The following DCAF1 variants were observed in gnomAD, a reference collection of about 807,000 sequenced individuals.
The protein encoded by DCAF1 is DDB1 and CUL4 associated factor 1, also known as DDB1- and CUL4-associated factor 1.
Under a neutral mutation model 128.0 loss-of-function variants are expected in DCAF1, and 15 were observed. That is an observed-to-expected ratio of 0.12 (90% confidence interval 0.08 to 0.18). DCAF1 has a LOEUF of 0.18. Among genes scored for constraint, DCAF1 ranks in the 10% least tolerant of loss-of-function variants. The pLI, the probability that DCAF1 is intolerant of heterozygous loss-of-function variation, is 1.00. For synonymous variants in DCAF1, 610 were observed against 603.0 expected, an observed-to-expected ratio of 1.01 and a Z score of -0.17; for missense variants, 988 against 1,649.5, an observed-to-expected ratio of 0.60 and a Z score of 6.95.
At chr3:51,487,645 A>G (rs1338859089) in intron 2 of DCAF1, among the ~76,000 whole-genome samples, 2 of 151,950 alleles carry the variant, frequency 1.3e-5, no homozygotes, top group African/African-American at 4.8e-5. Flanking sequence ...CAACAATTTA[A>G]CCAATTCTTT....
chr3:51,399,122 C>T (rs782343920), intron 24 of DCAF1, among the ~76,000 whole-genome samples: 1 of 152,232 alleles, frequency 6.6e-6, no homozygotes, highest in Non-Finnish European at 1.5e-5. Flanking sequence ...GAAGCTTCCC[C>T]CCATGCCACT....
At position 51,397,928 on chromosome 3, in the gene DCAF1, C is replaced by A. The variant is rs1270292491; in HGVS notation, c.*841G>T. ...GAAAAAGGCCTTTGATTTGTAATTT[C>A]CACAATGGGGAGAAAGGGAAGAAAA... On this transcript the variant is annotated 3_prime_UTR_variant, in exon 25 of 25. Coordinates refer to ENST00000684031, the MANE Select transcript of DCAF1 (RefSeq NM_001387579.1). 6.0e-6 allele frequency: 1 copy of A among 166,406 alleles called. No homozygotes were observed. The highest frequency in any genetic ancestry group is 1.5e-5 in the Non-Finnish European group (1 of 68,070). The allele number at this position is 166,406 out of a possible 1,614,324, so 10.3% of individuals were successfully genotyped here.
intron 3 of DCAF1, among the ~76,000 whole-genome samples, chr3:51,474,247 C>T (rs1410747994): frequency 6.6e-6 from 1 of 152,018 alleles, no homozygotes; most frequent in African/African-American, 2.4e-5. Flanking sequence ...GGAGAAACCC[C>T]GTCTCTGCTA....
At chr3:51,438,757 A>T (rs374660263) in intron 9 of DCAF1, among the ~76,000 whole-genome samples, 1 of 151,654 alleles carries the variant, frequency 6.6e-6, no homozygotes, top group Non-Finnish European at 1.5e-5. Context: ...GATTATAGGC[A>T]TGTGCCACCA....
Position 51,476,507 on chromosome 3 carries a change from C to T in DCAF1, c.111-5502G>A, listed in dbSNP as rs375461256. Among the ~76,000 whole-genome samples, 73 of 139,050 alleles carry T rather than the reference C, an allele frequency of 5.2e-4. 1 individual carries two copies. The highest frequency in any genetic ancestry group is 1.9e-3 in the African/African-American group (69 of 36,882). 91.2% of individuals were successfully genotyped at this position (139,050 alleles called of 152,430 possible). A position where few individuals can be genotyped will look rare whatever the true frequency, so the allele number is the denominator to read the frequency against. On this transcript the variant is annotated intron_variant, in intron 3 of 24. Coordinates refer to ENST00000684031, the MANE Select transcript of DCAF1 (RefSeq NM_001387579.1). ...CTCAAGTTCTACTATAACTTGATCT[C>T]GATAATGGTCTTACAAAAAAAAAAT...
chr3:51,490,525 C>A (rs1475404179), intron 2 of DCAF1, among the ~76,000 whole-genome samples: 1 of 152,100 alleles, frequency 6.6e-6, no homozygotes, highest in Non-Finnish European at 1.5e-5. Context: ...TTTTAAATAA[C>A]CTAAATAAAC....
chr3:51,461,000 G>A (rs1380658197), intron 6 of DCAF1, among the ~76,000 whole-genome samples: 3 of 152,110 alleles, frequency 2.0e-5, no homozygotes, highest in East Asian at 3.9e-4. Flanking sequence ...CACAGGCATG[G>A]GCAAGGACTT....
chr3:51,443,179 T>C (rs189166344), intron 7 of DCAF1, among the ~76,000 whole-genome samples: 33 of 152,322 alleles, frequency 2.2e-4, no homozygotes, highest in Admixed American at 3.9e-4. Flanking sequence ...CACTGTAAAA[T>C]GCTTTCAATT....
intron 9 of DCAF1, chr3:51,440,132 A>C (rs1701231253): frequency 2.0e-6 from 1 of 505,900 alleles, no homozygotes; most frequent in Non-Finnish European, 3.9e-6. Flanking sequence ...TTCACTTTTT[A>C]TCTCAACGTT....
chr3:51,410,585 G>A (rs1698313025), intron 23 of DCAF1, among the ~76,000 whole-genome samples: 1 of 152,016 alleles, frequency 6.6e-6, no homozygotes, highest in Non-Finnish European at 1.5e-5. Flanking sequence ...CTTTGCCCTA[G>A]TATTAGACTT....
chr3:51,421,987 GT>G (rs1277925053), intron 14 of DCAF1, among the ~76,000 whole-genome samples: 2 of 152,154 alleles, frequency 1.3e-5, no homozygotes, highest in African/African-American at 4.8e-5. Context: ...ACTCTTCAGA[GT>G]GTGAGCTTTT....
Position 51,414,873 on chromosome 3 carries a change from G to C in DCAF1, c.3604-16C>G. ...TATCATAAATCTTTAGAGAAGAAGG[G>C]ATGGGAAGAGAAAAATCAGACCAAT... is the stretch of plus-strand genomic sequence containing the variant. On this transcript the variant is annotated splice_polypyrimidine_tract_variant and intron_variant, in intron 18 of 24. Coordinates refer to ENST00000684031, the MANE Select transcript of DCAF1 (RefSeq NM_001387579.1). 6.2e-7 allele frequency: 1 copy of C among 1,605,208 alleles called. No individual in the cohort carries two copies. Among genetic ancestry groups the C allele is most frequent in the Non-Finnish European group, 8.5e-7 (1 of 1,173,500 alleles).
In DCAF1 at chr3:51,420,744, C is replaced by T; in HGVS notation, c.2226G>A (p.Leu742=). ...CATCTGTGATGGGCATCTTAATGGACAGTAAGGACAGGAGCACCTTGATGC... is the reference window on the plus strand; with the variant it reads ...CATCTGTGATGGGCATCTTAATGGATAGTAAGGACAGGAGCACCTTGATGC... The part of the protein sequence containing the change: ...NNGIKVLLSL[L]SIKMPITDAD... Residue 742 remains leucine, a synonymous_variant, in exon 15 of 25, where the codon CTG becomes CTA. Coordinates refer to ENST00000684031, the MANE Select transcript of DCAF1 (RefSeq NM_001387579.1). The surrounding 1 kb of genome is among the most constrained non-coding windows in gnomAD (Gnocchi z 6.5). The T allele has an allele frequency of 6.2e-7, 1 of 1,614,036 alleles. No homozygotes were observed. The highest frequency in any genetic ancestry group is 2.2e-5 in the East Asian group (1 of 44,882).
At chr3:51,480,625 T>C (rs1333694486) in intron 3 of DCAF1, among the ~76,000 whole-genome samples, 1 of 134,596 alleles carries the variant, frequency 7.4e-6, no homozygotes, top group East Asian at 2.2e-4. Context: ...AAAAAGTTAA[T>C]ACTTACAGAA....
intron 6 of DCAF1, among the ~76,000 whole-genome samples, chr3:51,452,614 A>G (rs1394116632): frequency 6.6e-6 from 1 of 152,130 alleles, no homozygotes; most frequent in Non-Finnish European, 1.5e-5. Flanking sequence ...CTAACCACCA[A>G]AGGGCACTCA....
chr3:51,431,538 A>T (rs1700382104), intron 10 of DCAF1, among the ~76,000 whole-genome samples: 1 of 150,242 alleles, frequency 6.7e-6, no homozygotes, highest in Admixed American at 6.6e-5. Context: ...AAAAAAAAAA[A>T]GATTATATAT....
At chr3:51,406,342 C>CA (rs782324969) in intron 23 of DCAF1, among the ~76,000 whole-genome samples, 15,861 of 45,184 alleles carry the variant, frequency 0.35, 2,232 homozygotes, top group East Asian at 0.71. Flanking sequence ...GACTCTGTCT[C>CA]AAAAAAAAAA....
chr3:51,474,175 T>G (rs1705137683), intron 3 of DCAF1, among the ~76,000 whole-genome samples: 1 of 152,002 alleles, frequency 6.6e-6, no homozygotes, highest in South Asian at 2.1e-4. Flanking sequence ...TCCCAGCACT[T>G]TGGGAGGCTG....
chr3:51,438,027 C>A, intron 9 of DCAF1: 1 of 360,822 alleles, frequency 2.8e-6, no homozygotes, highest in South Asian at 2.2e-5. Context: ...AGTTTTATAC[C>A]TGTTATATGT....
Sources: gnomAD v4.1 joint callset for allele counts (sites outside exome capture counted in the v4.1 genomes callset) on GRCh38, gnomAD v4.1.1 for gene constraint, Gnocchi (gnomAD v3.1) non-coding constraint, MANE v1.5 for transcripts, NCBI Gene and HGNC (gene_info 2026-07-23, HGNC 2026-07-21) for gene names.